Variants in EYS observed in about 807,000 individuals in gnomAD.
EYS encodes EGF-like photoreceptor maintenance factor.
Under a neutral mutation model 282.1 loss-of-function variants are expected in EYS, and 250 were observed. The observed-to-expected ratio is 0.89, with a 90% CI of 0.80 to 0.98. EYS has a LOEUF of 0.98. Ranked by LOEUF, EYS falls within the 50% of genes least tolerant of loss-of-function variation. The pLI is 0.00. For synonymous variants in EYS, 1,355 were observed against 1,282.9 expected, an observed-to-expected ratio of 1.06 and a Z score of -1.20; for missense variants, 4,016 against 3,709.0, an observed-to-expected ratio of 1.08 and a Z score of -2.15.
chr6:65,231,081 A>G (rs201199099), intron 12 of EYS, among the ~76,000 whole-genome samples: 1 of 33,904 alleles, frequency 2.9e-5, no homozygotes, highest in Non-Finnish European at 7.6e-5. Context: ...ATATATATAT[A>G]TGTGTATATA....
At chr6:65,321,494 C>A (rs1160450014) in intron 11 of EYS, among the ~76,000 whole-genome samples, 1 of 151,922 alleles carries the variant, frequency 6.6e-6, no homozygotes, top group Non-Finnish European at 1.5e-5. Context: ...TGGGAACAGA[C>A]AAAATGGAAA....
intron 13 of EYS, among the ~76,000 whole-genome samples, chr6:65,020,095 G>T: frequency 6.6e-6 from 1 of 152,034 alleles, no homozygotes; most frequent in East Asian, 1.9e-4. Context: ...TGGGTGGGGA[G>T]ACAGCCAAAC....
intron 14 of EYS, among the ~76,000 whole-genome samples, chr6:64,962,924 G>A (rs992522099): frequency 1.9e-4 from 29 of 152,270 alleles, no homozygotes; most frequent in African/African-American, 6.7e-4. Context: ...GCTTAAAAAT[G>A]TGTGCCCTTA....
At chr6:65,328,081 T>C (rs1769675179) in intron 11 of EYS, among the ~76,000 whole-genome samples, 1 of 151,520 alleles carries the variant, frequency 6.6e-6, no homozygotes, top group Admixed American at 6.6e-5. Context: ...CATTAACATA[T>C]GCTGTGACTT....
chr6:65,275,360 A>G (rs1768018303), intron 12 of EYS, among the ~76,000 whole-genome samples: 1 of 152,202 alleles, frequency 6.6e-6, no homozygotes. Flanking sequence ...TTATTAACCC[A>G]CCAAGTCACA....
intron 26 of EYS, among the ~76,000 whole-genome samples, chr6:64,501,188 A>C (rs2150512026): frequency 6.6e-6 from 1 of 152,116 alleles, no homozygotes; most frequent in Admixed American, 6.5e-5. Context: ...CTAAGAAAAA[A>C]AAGGAATAGC....
At chr6:65,407,057 T>C (rs1466069209) in intron 5 of EYS, among the ~76,000 whole-genome samples, 4 of 152,036 alleles carry the variant, frequency 2.6e-5, no homozygotes, top group African/African-American at 7.2e-5. Flanking sequence ...TTGGGAAAAA[T>C]TTCCATCCCA....
At chr6:65,101,233 C>T (rs1034188879) in intron 12 of EYS, among the ~76,000 whole-genome samples, 4 of 150,934 alleles carry the variant, frequency 2.7e-5, no homozygotes, top group South Asian at 4.2e-4. Flanking sequence ...GGCTGAGGAA[C>T]GAGGCAATAT....
At chr6:64,929,821 A>G (rs1290661512) in intron 15 of EYS, among the ~76,000 whole-genome samples, 2 of 152,196 alleles carry the variant, frequency 1.3e-5, no homozygotes, top group African/African-American at 2.4e-5. Flanking sequence ...AAGCAGGATC[A>G]GATGATGATG....
At chr6:64,479,113 T>A (rs959095398) in intron 26 of EYS, among the ~76,000 whole-genome samples, 2 of 151,964 alleles carry the variant, frequency 1.3e-5, no homozygotes, top group African/African-American at 4.8e-5. Context: ...TGAAAGTTAA[T>A]CTTTAGGTAA....
intron 19 of EYS, among the ~76,000 whole-genome samples, chr6:64,849,034 A>C (rs1273550408): frequency 6.6e-6 from 1 of 152,012 alleles, no homozygotes; most frequent in Non-Finnish European, 1.5e-5. Context: ...ATCCCTAAAT[A>C]ATCCCTCCAC....
At chr6:64,282,810 A>G (rs1475456667) in intron 30 of EYS, among the ~76,000 whole-genome samples, 1 of 152,178 alleles carries the variant, frequency 6.6e-6, no homozygotes, top group Non-Finnish European at 1.5e-5. Flanking sequence ...CTGAAAGTCT[A>G]TTGCTTCTGC....
At chr6:64,728,089 T>TTG (rs1334953046) in intron 22 of EYS, among the ~76,000 whole-genome samples, 1 of 152,014 alleles carries the variant, frequency 6.6e-6, no homozygotes, top group Admixed American at 6.6e-5. Flanking sequence ...ATTCCACCCC[T>TTG]TGAGGAGGGG....
intron 5 of EYS, among the ~76,000 whole-genome samples, chr6:65,451,739 CAT>C (rs1764405292): frequency 6.6e-6 from 1 of 151,928 alleles, no homozygotes; most frequent in African/African-American, 2.4e-5. Flanking sequence ...GAAAACTTCT[CAT>C]TATAATTAGC....
At chr6:64,955,300 C>T (rs9453130) in intron 14 of EYS, among the ~76,000 whole-genome samples, 347 of 151,368 alleles carry the variant, frequency 2.3e-3, no homozygotes, top group African/African-American at 7.9e-3. Context: ...TGAAAATATA[C>T]GACACTGATG....
intron 22 of EYS, among the ~76,000 whole-genome samples, chr6:64,736,747 C>T (rs2149957089): frequency 6.6e-6 from 1 of 152,224 alleles, no homozygotes; most frequent in African/African-American, 2.4e-5. Context: ...CCAGTTCTCA[C>T]CACTGTGTCA....
chr6:64,379,957 A>T (rs1772689315), intron 29 of EYS, among the ~76,000 whole-genome samples: 1 of 152,166 alleles, frequency 6.6e-6, no homozygotes, highest in African/African-American at 2.4e-5. Flanking sequence ...CACAAAACTC[A>T]TTATTTTTTG....
intron 12 of EYS, among the ~76,000 whole-genome samples, chr6:65,107,130 T>G (rs2150186576): frequency 6.6e-6 from 1 of 152,128 alleles, no homozygotes. Context: ...TTTCAGTGCT[T>G]ATAAATGGCA....
At chr6:65,554,478 C>G (rs1768718323) in intron 2 of EYS, among the ~76,000 whole-genome samples, 1 of 152,100 alleles carries the variant, frequency 6.6e-6, no homozygotes, top group African/African-American at 2.4e-5. Flanking sequence ...CCTTCCCTAG[C>G]CCATCTTGTT....
Sources: gnomAD v4.1 joint callset for allele counts (sites outside exome capture counted in the v4.1 genomes callset) on GRCh38, gnomAD v4.1.1 for gene constraint, MANE v1.5 for transcripts, NCBI Gene and HGNC (gene_info 2026-07-23, HGNC 2026-07-21) for gene names.